Variants in ADGRG2 observed in about 807,000 individuals in gnomAD.
ADGRG2 encodes the protein G protein-coupled receptor 64.
Under a neutral mutation model 74.1 loss-of-function variants are expected in ADGRG2, and 26 were observed. That is an observed-to-expected ratio of 0.35 (90% confidence interval 0.26 to 0.49). The LOEUF (loss-of-function observed/expected upper bound fraction) is 0.49. Ranked by LOEUF, ADGRG2 falls within the 20% of genes least tolerant of loss-of-function variation. ADGRG2 has a pLI of 0.99. For missense variants in ADGRG2, 619 were observed against 763.1 expected, an observed-to-expected ratio of 0.81 and a Z score of 2.22; for synonymous variants, 296 against 295.2, an observed-to-expected ratio of 1.00 and a Z score of -0.03.
intron 25 of ADGRG2, 47 bp downstream of exon 25, chrX:18,999,813 TC>T (rs1416722849): frequency 1.3e-6 from 1 of 759,912 alleles, no homozygotes; most frequent in Admixed American, 2.3e-5. Context: ...CTAGGAGCAT[TC>T]CGTTTTCCAG....
At chrX:19,073,302 G>A (rs1033823222) in intron 2 of ADGRG2, among the ~76,000 whole-genome samples, 5 of 112,225 alleles carry the variant, frequency 4.5e-5, no homozygotes, top group Non-Finnish European at 7.5e-5. Flanking sequence ...AACAGCCACT[G>A]GTTCTTAGTA....
At chrX:19,080,003 C>T (rs939586933) in intron 2 of ADGRG2, among the ~76,000 whole-genome samples, 4 of 108,292 alleles carry the variant, frequency 3.7e-5, no homozygotes, top group African/African-American at 6.7e-5. Flanking sequence ...CTCCACCTCC[C>T]GGTTCAAGCA....
intron 1 of ADGRG2, among the ~76,000 whole-genome samples, chrX:19,104,745 C>T (rs2062250208): frequency 9.3e-6 from 1 of 107,507 alleles, no homozygotes; most frequent in East Asian, 2.9e-4. Flanking sequence ...GGTGAAACCC[C>T]GTCTCTACTA....
chrX:19,046,032 A>G (rs1352196948), intron 3 of ADGRG2, among the ~76,000 whole-genome samples: 2 of 111,262 alleles, frequency 1.8e-5, no homozygotes, highest in Non-Finnish European at 3.8e-5. Flanking sequence ...CTATAGGCAC[A>G]TACCACTACA....
At chrX:19,108,394 A>G (rs1310777561) in intron 1 of ADGRG2, among the ~76,000 whole-genome samples, 2 of 111,997 alleles carry the variant, frequency 1.8e-5, no homozygotes, top group African/African-American at 6.5e-5. Flanking sequence ...CATAAAAACT[A>G]TTAATAATCT....
At chrX:19,041,562 T>G (rs1231157311) in intron 3 of ADGRG2, among the ~76,000 whole-genome samples, 1 of 111,909 alleles carries the variant, frequency 8.9e-6, no homozygotes, top group East Asian at 2.8e-4. Context: ...AGGAGCCTAT[T>G]TTCTTGAAAT....
intron 15 of ADGRG2, among the ~76,000 whole-genome samples, chrX:19,015,397 TCAGA>T (rs1410569605): frequency 8.9e-6 from 1 of 112,221 alleles, no homozygotes; most frequent in African/African-American, 3.2e-5. Context: ...ATAAAGGGTG[TCAGA>T]CAGTCAGAAA....
intron 3 of ADGRG2, among the ~76,000 whole-genome samples, chrX:19,057,223 G>A (rs913774149): frequency 1.8e-5 from 2 of 111,330 alleles, no homozygotes; most frequent in African/African-American, 3.3e-5. Context: ...TTTCCATTCT[G>A]ACTATAAAAC....
chrX:19,000,139 G>A (rs753288318), intron 24 of ADGRG2, among the ~76,000 whole-genome samples, 179 bp from the exon 25 acceptor site: 4 of 109,752 alleles, frequency 3.6e-5, no homozygotes, highest in East Asian at 2.9e-4. Flanking sequence ...GATTACAGGC[G>A]CGTGCCACCA....
At chrX:19,002,434 T>C (rs1197474948) in intron 24 of ADGRG2, among the ~76,000 whole-genome samples, 1 of 112,189 alleles carries the variant, frequency 8.9e-6, no homozygotes, top group Admixed American at 9.5e-5. Flanking sequence ...ACGTGTCTGA[T>C]ATCTGGGAGG....
intron 1 of ADGRG2, among the ~76,000 whole-genome samples, chrX:19,093,567 A>G (rs1251106152): frequency 9.0e-6 from 1 of 111,483 alleles, no homozygotes; most frequent in Non-Finnish European, 1.9e-5. Flanking sequence ...GCGGGCAGGG[A>G]GCATGTAAAC....
chrX:19,024,976 T>C lies in ADGRG2; in HGVS notation c.471-1028A>G, dbSNP rs148195386. ...TTTTTGTAGAGACCACGTCTCACCA[T>C]GTTACCCAGGCTGGTCTCAAACTCC... On this transcript the variant is annotated intron_variant, in intron 11 of 28. Coordinates refer to ENST00000379869, the MANE Select transcript of ADGRG2 (RefSeq NM_001079858.3). Among the ~76,000 whole-genome samples, 874 of 111,732 alleles carry C rather than the reference T, an allele frequency of 7.8e-3. 8 individuals carry two copies. Among genetic ancestry groups the C allele is most frequent in the African/African-American group, 0.027 (834 of 30,741 alleles).
chrX:19,052,307 C>T (rs1035834079), intron 3 of ADGRG2, among the ~76,000 whole-genome samples: 2 of 111,509 alleles, frequency 1.8e-5, no homozygotes, highest in Admixed American at 9.6e-5. Context: ...CCATGATAAT[C>T]GGCAAGGCTG....
At chrX:19,088,276 C>T (rs1254906354) in intron 1 of ADGRG2, among the ~76,000 whole-genome samples, 2 of 111,703 alleles carry the variant, frequency 1.8e-5, no homozygotes, top group Non-Finnish European at 3.8e-5. Context: ...CAAAGTTCAC[C>T]AGAGTGAGCT....
At chrX:19,064,185 T>C (rs1343043758) in intron 3 of ADGRG2, among the ~76,000 whole-genome samples, 3 of 111,936 alleles carry the variant, frequency 2.7e-5, no homozygotes, top group African/African-American at 9.8e-5. Context: ...CCACAGGAAC[T>C]GTCTGCAGGT....
chrX:18,994,935 G>T lies in ADGRG2; in HGVS notation c.2830C>A (p.Leu944Ile). ...SSNSTNSTTL[L>I]VNNDCSVHAS... ...TGTACTGAGCAATCATTATTCACTA[G>T]CAGTGTGGTGGAGTTAGTGGAGTTA... Residue 944 changes from leucine (L) to isoleucine (I), a missense_variant, in exon 28 of 29, where the codon CTA becomes ATA. This residue lies in a region of ADGRG2 where 106 missense variants were observed against 104.5 expected (regional missense o/e 1.01). Transcript: ENST00000379869. The T allele has an allele frequency of 8.3e-7, 1 of 1,202,180 alleles. No individual in the cohort carries two copies. Among genetic ancestry groups the T allele is most frequent in the Non-Finnish European group, 1.1e-6 (1 of 887,311 alleles).
chrX:19,041,956 C>G (rs74838284), intron 3 of ADGRG2, among the ~76,000 whole-genome samples: 2 of 110,644 alleles, frequency 1.8e-5, no homozygotes. Flanking sequence ...ACCATAGGTA[C>G]GCACCACCAC....
chrX:19,009,051 C>CT (rs2060295986), intron 18 of ADGRG2, among the ~76,000 whole-genome samples: 1 of 111,292 alleles, frequency 9.0e-6, no homozygotes, highest in Admixed American at 9.6e-5. Context: ...ACACCCCTGC[C>CT]TACTCTCCCA....
chrX:19,056,464 C>T (rs928758146), intron 3 of ADGRG2, among the ~76,000 whole-genome samples: 2 of 111,435 alleles, frequency 1.8e-5, no homozygotes, highest in Non-Finnish European at 3.8e-5. Flanking sequence ...ATGTTCATAT[C>T]GTGGTTCTCC....
Sources: allele counts gnomAD v4.1 joint callset (sites outside exome capture counted in the v4.1 genomes callset), GRCh38; gene constraint gnomAD v4.1.1; regional missense constraint gnomAD v4.1.1; transcripts MANE v1.5; gene names NCBI Gene and HGNC (gene_info 2026-07-23, HGNC 2026-07-21).